RANBP2: variants seen among roughly 807,000 people sequenced by gnomAD.
RANBP2 encodes E3 SUMO-protein ligase RanBP2.
In RANBP2, 57 loss-of-function variants were observed where a neutral mutation model predicts 303.6. That is an observed-to-expected ratio of 0.19 (90% CI 0.15 to 0.23). The LOEUF (loss-of-function observed/expected upper bound fraction) is 0.23, where lower values mean the gene tolerates loss of function less well. Among genes scored for constraint, RANBP2 ranks in the 10% least tolerant of loss-of-function variants. The probability of loss-of-function intolerance (pLI) is 1.00; values close to 1 mark genes in which losing one functional copy is unlikely to be tolerated. For missense variants in RANBP2, 3,138 were observed against 3,780.8 expected (o/e 0.83, Z 4.46); for synonymous variants, 1,167 against 1,301.5 (o/e 0.90, Z 2.23).
the RANBP2 span, among the ~76,000 whole-genome samples, chr2:109,034,999 G>A: frequency 6.6e-6 from 1 of 152,192 alleles, no homozygotes; most frequent in South Asian, 2.1e-4. Flanking sequence ...GACACTTGGT[G>A]GGGGCCATTA....
chr2:109,392,143 C>G, the RANBP2 span, among the ~76,000 whole-genome samples: 1 of 152,222 alleles, frequency 6.6e-6, no homozygotes, highest in African/African-American at 2.4e-5. Flanking sequence ...TAAAGACCCA[C>G]ATTTGAATCT....
At chr2:108,856,660 G>A in the RANBP2 span, 1 of 755,234 alleles carries the variant, frequency 1.3e-6, no homozygotes, top group East Asian at 2.7e-5. Context: ...TCTAAATTTA[G>A]ACTGTGATCT....
At chr2:108,792,557 C>T in the RANBP2 span, among the ~76,000 whole-genome samples, 4 of 152,158 alleles carry the variant, frequency 2.6e-5, no homozygotes, top group African/African-American at 4.8e-5. Flanking sequence ...ATTGGTGAGT[C>T]GGGAACCTAG....
At chr2:109,401,792 A>G in the RANBP2 span, among the ~76,000 whole-genome samples, 1 of 152,202 alleles carries the variant, frequency 6.6e-6, no homozygotes, top group Non-Finnish European at 1.5e-5. Flanking sequence ...TGTTAAAACA[A>G]GCAGAGGGAA....
chr2:108,736,612 T>A (rs1215467714), intron 6 of RANBP2, among the ~76,000 whole-genome samples: 1 of 152,254 alleles, frequency 6.6e-6, no homozygotes, highest in Admixed American at 6.5e-5. Flanking sequence ...TCATCTGTCA[T>A]CAGATGGCTA....
At chr2:109,697,308 G>A in the RANBP2 span, among the ~76,000 whole-genome samples, 7 of 152,086 alleles carry the variant, frequency 4.6e-5, no homozygotes, top group Non-Finnish European at 8.8e-5. Context: ...TGACCAACAT[G>A]GAGAAACCCT....
chr2:109,483,235 C>A, the RANBP2 span, among the ~76,000 whole-genome samples: 2 of 152,188 alleles, frequency 1.3e-5, no homozygotes, highest in African/African-American at 2.4e-5. Context: ...AAATAATAAT[C>A]AAAAAACTTC....
the RANBP2 span, among the ~76,000 whole-genome samples, chr2:108,847,715 T>C: frequency 6.6e-6 from 1 of 152,246 alleles, no homozygotes; most frequent in Admixed American, 6.5e-5. Context: ...GTTAAATTTT[T>C]TGTTAAGCTC....
At position 108,771,907 on chromosome 2, in the gene RANBP2, C is replaced by T. The variant is rs17036864; in HGVS notation, c.8020+36C>T. The T allele has an allele frequency of 4.1e-3, 6,530 of 1,612,304 alleles. 238 individuals carry two copies. In the African/African-American group the frequency reaches 0.077, roughly 19 times the overall value. ...TGTTATTTCAAAAATCCTCTGTTCC[C>T]GCTAATCTTAGTAAAATTGGGAGTA... is the stretch of plus-strand genomic sequence containing the variant. On this transcript the variant is annotated intron_variant, in intron 21 of 28. Transcript: ENST00000283195.
the RANBP2 span, among the ~76,000 whole-genome samples, chr2:109,179,460 T>C: frequency 6.6e-6 from 1 of 152,146 alleles, no homozygotes; most frequent in African/African-American, 2.4e-5. Context: ...CCAGTGTCCT[T>C]GTCTTTGTGT....
chr2:109,526,967 C>T, the RANBP2 span, among the ~76,000 whole-genome samples: 3 of 152,192 alleles, frequency 2.0e-5, no homozygotes, highest in Admixed American at 2.0e-4. Flanking sequence ...TGCACAAGGA[C>T]TTGGTGTAGT....
chr2:109,215,739 A>T, the RANBP2 span, among the ~76,000 whole-genome samples: 1 of 152,160 alleles, frequency 6.6e-6, no homozygotes, highest in Admixed American at 6.5e-5. Flanking sequence ...CTGCTAGGAC[A>T]TCTAATGGGG....
the RANBP2 span, among the ~76,000 whole-genome samples, chr2:108,795,955 T>C: frequency 6.6e-6 from 1 of 152,202 alleles, no homozygotes; most frequent in Non-Finnish European, 1.5e-5. Flanking sequence ...ATTGCAAGGA[T>C]GTATCTATCA....
At chr2:109,016,105 G>C in the RANBP2 span, among the ~76,000 whole-genome samples, 1 of 152,150 alleles carries the variant, frequency 6.6e-6, no homozygotes. Context: ...GTTTTGAGAC[G>C]GAGTTTCGCT....
the RANBP2 span, among the ~76,000 whole-genome samples, chr2:109,388,570 T>G: frequency 1.4e-3 from 211 of 152,366 alleles, 6 homozygotes; most frequent in South Asian, 0.042. Flanking sequence ...GAGCAGTGTT[T>G]AGAATATACT....
chr2:109,016,994 C>G, the RANBP2 span, among the ~76,000 whole-genome samples: 1 of 152,336 alleles, frequency 6.6e-6, no homozygotes, highest in African/African-American at 2.4e-5. Flanking sequence ...AGACAGGAAG[C>G]TGACTTCAGA....
chr2:109,360,212 C>T, the RANBP2 span, among the ~76,000 whole-genome samples: 1 of 152,160 alleles, frequency 6.6e-6, no homozygotes, highest in Non-Finnish European at 1.5e-5. Context: ...CTTAGTTACT[C>T]TGAACATGTA....
chr2:109,764,567 TAAGAC>T, the RANBP2 span, among the ~76,000 whole-genome samples: 114 of 149,750 alleles, frequency 7.6e-4, 6 homozygotes, highest in Admixed American at 1.0e-3. Flanking sequence ...ATGAGGAAAT[TAAGAC>T]AAGAACACAC....
At chr2:108,728,374 G>C (rs1165339026) in intron 1 of RANBP2, among the ~76,000 whole-genome samples, 1 of 152,136 alleles carries the variant, frequency 6.6e-6, no homozygotes, top group South Asian at 2.1e-4. Context: ...ACTCACGGCA[G>C]TGTCAACCTC....
Sources: allele counts gnomAD v4.1 joint callset (sites outside exome capture counted in the v4.1 genomes callset), GRCh38; gene constraint gnomAD v4.1.1; transcripts MANE v1.5; gene names NCBI Gene and HGNC (gene_info 2026-07-23, HGNC 2026-07-21).